The following SORBS2 variants were observed in gnomAD, a reference collection of about 807,000 sequenced individuals.
The protein encoded by SORBS2 is sorbin and SH3 domain-containing protein 2.
A neutral mutation model predicts 97.7 loss-of-function variants in SORBS2; 46 were observed. The ratio of observed to expected loss-of-function variants is 0.47; its 90% CI spans 0.37 to 0.60. The LOEUF is 0.60. Among genes scored for constraint, SORBS2 ranks in the 20% least tolerant of loss-of-function variants. The pLI is 0.00. For missense variants in SORBS2, 1,316 were observed against 1,282.3 expected (o/e 1.03, Z -0.40); for synonymous variants, 476 against 473.4 (o/e 1.01, Z -0.07).
At chr4:185,683,620 C>A (rs2097907136) in intron 2 of SORBS2, among the ~76,000 whole-genome samples, 1 of 151,938 alleles carries the variant, frequency 6.6e-6, no homozygotes, top group South Asian at 2.1e-4. Flanking sequence ...TTTTTTTAAC[C>A]AAAATGAGGT....
At chr4:185,711,021 G>A (rs75175906) in intron 2 of SORBS2, among the ~76,000 whole-genome samples, 7,928 of 152,194 alleles carry the variant, frequency 0.052, 240 homozygotes, top group Middle Eastern at 0.078. Flanking sequence ...CCAGGCTGGA[G>A]TGCCGTGGTG....
At chr4:185,791,081 T>A (rs1472107205) in intron 1 of SORBS2, among the ~76,000 whole-genome samples, 1 of 152,208 alleles carries the variant, frequency 6.6e-6, no homozygotes, top group Non-Finnish European at 1.5e-5. Flanking sequence ...CATAAACAAT[T>A]TAAAAAGTTT....
At chr4:185,818,179 C>T (rs1340679041) in intron 1 of SORBS2, among the ~76,000 whole-genome samples, 2 of 152,068 alleles carry the variant, frequency 1.3e-5, no homozygotes, top group Non-Finnish European at 1.5e-5. Context: ...GAATTCAGTG[C>T]CTATGTGTTT....
At chr4:185,907,517 T>C (rs1179311564) in intron 1 of SORBS2, among the ~76,000 whole-genome samples, 4 of 152,210 alleles carry the variant, frequency 2.6e-5, no homozygotes, top group Non-Finnish European at 5.9e-5. Flanking sequence ...GTGGCCTGGA[T>C]GTTTATGTTT....
intron 2 of SORBS2, chr4:185,734,138 T>G (rs535835714): frequency 6.6e-6 from 1 of 152,478 alleles, no homozygotes; most frequent in Non-Finnish European, 1.5e-5. Context: ...GGTATACGAG[T>G]CTGTCCTATT....
chr4:185,696,988 G>A (rs2098184786), intron 2 of SORBS2, among the ~76,000 whole-genome samples: 1 of 152,200 alleles, frequency 6.6e-6, no homozygotes, highest in South Asian at 2.1e-4. Flanking sequence ...AAAGAGACAT[G>A]TGAGGAATTA....
At chr4:185,836,856 A>T (rs539905947) in intron 1 of SORBS2, among the ~76,000 whole-genome samples, 15 of 152,326 alleles carry the variant, frequency 9.8e-5, no homozygotes, top group African/African-American at 3.4e-4. Context: ...CAAAAGGTGC[A>T]TTTTTGCTAA....
chr4:185,910,146 G>A (rs2099254139), intron 1 of SORBS2, among the ~76,000 whole-genome samples: 1 of 152,122 alleles, frequency 6.6e-6, no homozygotes, highest in Admixed American at 6.6e-5. Flanking sequence ...CTGCAACTGT[G>A]CTCTTTGCCA....
chr4:185,673,096 C>T (rs531558629), intron 4 of SORBS2, among the ~76,000 whole-genome samples: 1 of 152,266 alleles, frequency 6.6e-6, no homozygotes, highest in Admixed American at 6.5e-5. Context: ...GGACCTTATA[C>T]CAAGTGAAGG....
At position 185,701,463 on chromosome 4, in the gene SORBS2, C is replaced by A. The variant is rs570881633; in HGVS notation, c.-197-22641G>T. Among the ~76,000 whole-genome samples, 4 of 152,286 alleles carry A rather than the reference C, an allele frequency of 2.6e-5. No individual in the cohort carries two copies. In the South Asian group the frequency reaches 8.3e-4, roughly 32 times the overall value. The stretch of plus-strand genomic sequence containing the variant: ...ATACCCACTGACTTCTGATCTGATA[C>A]CTACTGACTTCATTTCCATTTCTTC... On this transcript the variant is annotated intron_variant, in intron 2 of 20. Transcript: ENST00000284776.
intron 1 of SORBS2, among the ~76,000 whole-genome samples, chr4:185,820,900 T>A (rs2099196392): frequency 6.6e-6 from 1 of 152,188 alleles, no homozygotes; most frequent in African/African-American, 2.4e-5. Context: ...AAATGCCGAA[T>A]GAACAAATGA....
chr4:185,701,875 A>T (rs1285263691), intron 2 of SORBS2, among the ~76,000 whole-genome samples: 1 of 151,256 alleles, frequency 6.6e-6, no homozygotes, highest in African/African-American at 2.4e-5. Context: ...GGTTCAAGTG[A>T]TTCCCCTGCC....
Position 185,673,118 on chromosome 4 carries a change from A to C in SORBS2, c.-46+5305T>G, listed in dbSNP as rs116535398. On this transcript the variant is annotated intron_variant, in intron 4 of 20. Coordinates refer to the SORBS2 transcript ENST00000284776. Reference sequence around the variant, plus strand: ...ATACCAAGTGAAGGCCTGTCTCAGAAGGACAAATATCTGAGCAGAGAGTAG... The same window carrying C: ...ATACCAAGTGAAGGCCTGTCTCAGACGGACAAATATCTGAGCAGAGAGTAG... Among the ~76,000 whole-genome samples the C allele has an allele frequency of 6.1e-3, 925 of 152,318 alleles. 6 individuals are homozygous for C. The highest frequency in any genetic ancestry group is 0.02 in the African/African-American group (851 of 41,576).
chr4:185,872,716 G>T (rs2099231072), intron 1 of SORBS2, among the ~76,000 whole-genome samples: 1 of 152,146 alleles, frequency 6.6e-6, no homozygotes, highest in Non-Finnish European at 1.5e-5. Flanking sequence ...AATGTGGTTG[G>T]GGAGAGGGAG....
At chr4:185,678,305 G>A (rs1198849535) in intron 4 of SORBS2, 118 bp downstream of exon 7, 3 of 928,666 alleles carry the variant, frequency 3.2e-6, no homozygotes, top group Admixed American at 7.4e-5. Flanking sequence ...AAATACAAAA[G>A]CAAAAACATA....
chr4:185,617,012 G>C (rs750741752), intron 9 of SORBS2, among the ~76,000 whole-genome samples: 2 of 152,182 alleles, frequency 1.3e-5, no homozygotes, highest in Non-Finnish European at 2.9e-5. Flanking sequence ...GCCTCCCAAA[G>C]TGCTGGGATT....
At chr4:185,850,516 G>C (rs1466399644) in intron 1 of SORBS2, among the ~76,000 whole-genome samples, 1 of 152,180 alleles carries the variant, frequency 6.6e-6, no homozygotes, top group Non-Finnish European at 1.5e-5. Flanking sequence ...TGATAGCTCT[G>C]TTCTCCTACA....
chr4:185,590,779 G>A (rs2095908328), intron 13 of SORBS2, among the ~76,000 whole-genome samples: 1 of 152,144 alleles, frequency 6.6e-6, no homozygotes, highest in Non-Finnish European at 1.5e-5. Context: ...CGAAATTACT[G>A]TAGCTGAGAA....
intron 2 of SORBS2, among the ~76,000 whole-genome samples, chr4:185,720,493 C>G (rs2098504248): frequency 6.6e-6 from 1 of 152,080 alleles, no homozygotes. Flanking sequence ...CAATTGCTTT[C>G]TCTTCCTTAG....
Sources: gnomAD v4.1 joint callset for allele counts (sites outside exome capture counted in the v4.1 genomes callset) on GRCh38, gnomAD v4.1.1 for gene constraint, MANE v1.5 for transcripts, NCBI Gene and HGNC (gene_info 2026-07-23, HGNC 2026-07-21) for gene names.